LOC400499: variants seen among roughly 807,000 people sequenced by gnomAD.
chr16:11,524,822 G>A, the LOC400499 span, among the ~76,000 whole-genome samples: 2 of 150,276 alleles, frequency 1.3e-5, no homozygotes, highest in African/African-American at 4.9e-5. Flanking sequence ...CCAGCCACTT[G>A]CAGGATCTTT....
chr16:11,375,975 G>A, the LOC400499 span, among the ~76,000 whole-genome samples: 6 of 152,284 alleles, frequency 3.9e-5, no homozygotes, highest in South Asian at 6.2e-4. Context: ...CTGACCTCAG[G>A]TGATCCACCT....
chr16:11,469,493 G>T, the LOC400499 span: 1 of 399,086 alleles, frequency 2.5e-6, no homozygotes, highest in African/African-American at 2.1e-5. Context: ...GAGCAGGGAG[G>T]GACGTTGACA....
the LOC400499 span, chr16:11,484,956 G>A: frequency 5.0e-6 from 2 of 399,414 alleles, no homozygotes; most frequent in East Asian, 3.6e-5. Context: ...GCAGGCCCTG[G>A]TTCTGGCCCT....
the LOC400499 span, chr16:11,460,874 C>T: frequency 5.0e-6 from 7 of 1,412,074 alleles, no homozygotes; most frequent in East Asian, 2.5e-5. Context: ...GTGGTGACAG[C>T]GTATCTCAGC....
At chr16:11,416,581 T>G in the LOC400499 span, among the ~76,000 whole-genome samples, 2 of 152,126 alleles carry the variant, frequency 1.3e-5, no homozygotes, top group Admixed American at 6.5e-5. Context: ...CACATTCTGG[T>G]GATTCTAGCA....
At chr16:11,393,163 CCT>C in the LOC400499 span, among the ~76,000 whole-genome samples, 14 of 127,982 alleles carry the variant, frequency 1.1e-4, no homozygotes, top group East Asian at 6.5e-4. Flanking sequence ...CACCCCCCCC[CCT>C]TTTTTTTAAG....
At chr16:11,426,604 A>C in the LOC400499 span, among the ~76,000 whole-genome samples, 1 of 151,900 alleles carries the variant, frequency 6.6e-6, no homozygotes, top group Non-Finnish European at 1.5e-5. Context: ...AGCTACTGCA[A>C]TAAGAAAAAA....
At chr16:11,476,314 T>G in the LOC400499 span, among the ~76,000 whole-genome samples, 1 of 151,834 alleles carries the variant, frequency 6.6e-6, no homozygotes, top group Non-Finnish European at 1.5e-5. Flanking sequence ...AAGAGTCACC[T>G]CCTTAGGGGT....
chr16:11,390,214 G>C, the LOC400499 span: 2 of 1,232,538 alleles, frequency 1.6e-6, no homozygotes, highest in Non-Finnish European at 2.0e-6. Context: ...TGGAGAGGGA[G>C]GGGACAGTGA....
chr16:11,519,998 C>T, the LOC400499 span, among the ~76,000 whole-genome samples: 2 of 152,114 alleles, frequency 1.3e-5, no homozygotes, highest in African/African-American at 4.8e-5. Flanking sequence ...CCACCGCGCC[C>T]GGCCTATGTG....
the LOC400499 span, among the ~76,000 whole-genome samples, chr16:11,394,167 G>C: frequency 1.6e-3 from 237 of 152,250 alleles, 1 homozygote; most frequent in African/African-American, 5.5e-3. Context: ...CCACTGCAAA[G>C]GTCTAAGCAA....
At chr16:11,437,640 G>GA in the LOC400499 span, among the ~76,000 whole-genome samples, 2 of 152,184 alleles carry the variant, frequency 1.3e-5, no homozygotes, top group Non-Finnish European at 2.9e-5. Flanking sequence ...GGCTGGGGCA[G>GA]GCAGATCACT....
At chr16:11,384,082 G>A in the LOC400499 span, 4 of 1,230,650 alleles carry the variant, frequency 3.3e-6, no homozygotes, top group African/African-American at 1.6e-5. Context: ...GCCTCAGCAG[G>A]AGACTTCCCC....
chr16:11,407,970 G>GTTTT, the LOC400499 span, among the ~76,000 whole-genome samples: 10 of 63,452 alleles, frequency 1.6e-4, no homozygotes, highest in Non-Finnish European at 2.0e-4. Flanking sequence ...TTCCAGAGCT[G>GTTTT]TTTTTTTTTT....
At chr16:11,387,364 G>A in the LOC400499 span, 1 of 1,181,002 alleles carries the variant, frequency 8.5e-7, no homozygotes, top group Non-Finnish European at 1.1e-6. Flanking sequence ...GCAGAGGGGA[G>A]CTTCTAGGTC....
At chr16:11,399,431 C>G in the LOC400499 span, 6 of 417,826 alleles carry the variant, frequency 1.4e-5, no homozygotes, top group Non-Finnish European at 1.6e-5. Flanking sequence ...GGTGGAGCCG[C>G]CTGGGGGTTC....
the LOC400499 span, chr16:11,462,032 G>T: frequency 8.3e-7 from 1 of 1,208,720 alleles, no homozygotes; most frequent in Non-Finnish European, 1.1e-6. Context: ...AAGCTGCAGT[G>T]ATGAGGACCA....
At chr16:11,452,347 T>C in the LOC400499 span, among the ~76,000 whole-genome samples, 8 of 152,106 alleles carry the variant, frequency 5.3e-5, no homozygotes. Context: ...GTTCTAATTG[T>C]CTCCCAAGTT....
chr16:11,495,376 A>G, the LOC400499 span, among the ~76,000 whole-genome samples: 1 of 148,254 alleles, frequency 6.7e-6, no homozygotes, highest in African/African-American at 2.5e-5. Flanking sequence ...AAATCAGACC[A>G]ACAAATCTTT....
Sources: gnomAD v4.1 joint callset for allele counts (sites outside exome capture counted in the v4.1 genomes callset) on GRCh38, gnomAD v4.1.1 for gene constraint, MANE v1.5 for transcripts.